Variants in SPAG16 observed in about 807,000 individuals in gnomAD.
SPAG16 encodes the protein sperm associated antigen 16, also known as sperm-associated antigen 16 protein.
In SPAG16, 86 loss-of-function variants were observed where a neutral mutation model predicts 80.4. The ratio of observed to expected loss-of-function variants is 1.07; its 90% CI spans 0.90 to 1.28. The LOEUF (loss-of-function observed/expected upper bound fraction) is 1.28, where lower values mean the gene tolerates loss of function less well. SPAG16 is among the 50% of genes most tolerant of loss of function. The pLI, the probability that SPAG16 is intolerant of heterozygous loss-of-function variation, is 0.00. For missense variants in SPAG16, 870 were observed against 765.3 expected, an observed-to-expected ratio of 1.14 and a Z score of -1.61; for synonymous variants, 294 against 265.9, an observed-to-expected ratio of 1.11 and a Z score of -1.03.
At chr2:213,398,756 G>A (rs544025094) in intron 9 of SPAG16, among the ~76,000 whole-genome samples, 29 of 152,126 alleles carry the variant, frequency 1.9e-4, no homozygotes, top group African/African-American at 6.7e-4. Context: ...CATATGCTAT[G>A]TTGTACTTAT....
rs372403102 is a variant in SPAG16, at chr2:213,310,046, G to A, written c.280-13G>A. ...ATGTTTTCAGAATAAATAAATGCAC[G>A]TTTAAATTTCAGGAACGGAAAACAG... On this transcript the variant is annotated splice_polypyrimidine_tract_variant and intron_variant, in intron 3 of 15. Transcript: ENST00000331683. 4.9e-5 allele frequency: 75 copies of A among 1,531,368 alleles called. No individual in the cohort carries two copies. The highest frequency in any genetic ancestry group is 3.0e-4 in the African/African-American group (22 of 72,828). 94.9% of individuals were successfully genotyped at this position (1,531,368 alleles called of 1,614,324 possible). A position where few individuals can be genotyped will look rare whatever the true frequency, so the allele number is the denominator to read the frequency against.
At chr2:213,995,757 T>C (rs1307794310) in intron 12 of SPAG16, among the ~76,000 whole-genome samples, 26 of 152,202 alleles carry the variant, frequency 1.7e-4, no homozygotes, top group Admixed American at 1.6e-3. Flanking sequence ...CCTTACTTTG[T>C]TGTTATACAT....
intron 10 of SPAG16, among the ~76,000 whole-genome samples, chr2:213,731,849 T>A (rs1458049623): frequency 1.1e-4 from 16 of 152,360 alleles, no homozygotes; most frequent in Admixed American, 1.0e-3. Context: ...ATTTTCTTTA[T>A]CCACTCTTGA....
chr2:213,815,459 T>C (rs1372825247), intron 10 of SPAG16, among the ~76,000 whole-genome samples: 1 of 152,204 alleles, frequency 6.6e-6, no homozygotes, highest in African/African-American at 2.4e-5. Context: ...GTATGAATTT[T>C]GTTCAGGTAA....
chr2:213,574,247 A>G (rs1169207252), intron 10 of SPAG16, among the ~76,000 whole-genome samples: 1 of 152,122 alleles, frequency 6.6e-6, no homozygotes, highest in East Asian at 1.9e-4. Context: ...GACTATATAC[A>G]ATCAAATTTT....
At chr2:213,717,893 C>A (rs929301720) in intron 10 of SPAG16, among the ~76,000 whole-genome samples, 1 of 152,030 alleles carries the variant, frequency 6.6e-6, no homozygotes, top group Admixed American at 6.5e-5. Context: ...ACCATAAAAA[C>A]CCTAGAAGAA....
chr2:213,317,364 A>AT lies in SPAG16; in HGVS notation c.536+14dup. 1 of 1,599,608 alleles carries AT rather than the reference A, an allele frequency of 6.3e-7. No individual in the cohort carries two copies. Among genetic ancestry groups the AT allele is most frequent in the African/African-American group, 1.4e-5 (1 of 74,058 alleles). ...CTACAAACAAGCAGCTGAGTATGTT[A>AT]TTTTTTAAATGACATTTTCTTCTTT... On this transcript the variant is annotated intron_variant, in intron 5 of 15. Coordinates refer to ENST00000331683, the MANE Select transcript of SPAG16 (RefSeq NM_024532.5).
chr2:213,702,555 C>A (rs1293828815), intron 10 of SPAG16, among the ~76,000 whole-genome samples: 1 of 152,076 alleles, frequency 6.6e-6, no homozygotes, highest in East Asian at 1.9e-4. Context: ...TTGAAGTTGG[C>A]GAGACCAAGA....
At chr2:213,367,607 ATCC>A (rs201231304) in intron 8 of SPAG16, among the ~76,000 whole-genome samples, 3,672 of 152,116 alleles carry the variant, frequency 0.024, 11 homozygotes, top group Non-Finnish European at 0.033. Flanking sequence ...GTCTGTTCAT[ATCC>A]TTCACCCACT....
chr2:213,460,918 T>C (rs955320201), intron 9 of SPAG16, among the ~76,000 whole-genome samples: 3 of 152,004 alleles, frequency 2.0e-5, no homozygotes, highest in African/African-American at 7.3e-5. Context: ...CATTCCTAAG[T>C]AAGTTCCTGT....
chr2:213,949,201 A>ATTCT (rs2079622436), intron 12 of SPAG16, among the ~76,000 whole-genome samples: 1 of 2,788 alleles, frequency 3.6e-4, no homozygotes, highest in Non-Finnish European at 4.7e-3. Flanking sequence ...TTTGAGGTAG[A>ATTCT]GTCTCTGTCA....
At chr2:214,000,956 C>T (rs1227682715) in intron 12 of SPAG16, among the ~76,000 whole-genome samples, 2 of 152,146 alleles carry the variant, frequency 1.3e-5, no homozygotes, top group South Asian at 2.1e-4. Context: ...AGCCAAACTA[C>T]TAGAGCTAGA....
intron 15 of SPAG16, among the ~76,000 whole-genome samples, chr2:214,157,570 T>C (rs777317336): frequency 6.6e-6 from 1 of 152,072 alleles, no homozygotes; most frequent in Non-Finnish European, 1.5e-5. Context: ...TTAGGGATAA[T>C]AGTCATAGTT....
intron 10 of SPAG16, among the ~76,000 whole-genome samples, chr2:213,721,223 C>T (rs1284235476): frequency 2.0e-5 from 3 of 152,048 alleles, no homozygotes; most frequent in Non-Finnish European, 4.4e-5. Flanking sequence ...CTCAGCCTCC[C>T]GAGTAGCTGG....
intron 12 of SPAG16, among the ~76,000 whole-genome samples, chr2:213,990,434 A>C (rs569259385): frequency 6.6e-6 from 1 of 152,126 alleles, no homozygotes; most frequent in Admixed American, 6.6e-5. Flanking sequence ...AACCTTAGCT[A>C]CTAAATGCCT....
intron 9 of SPAG16, among the ~76,000 whole-genome samples, chr2:213,485,649 T>A (rs1328178431): frequency 2.0e-5 from 3 of 152,162 alleles, no homozygotes; most frequent in African/African-American, 7.2e-5. Flanking sequence ...ACCTAGTAAT[T>A]AACATAGTGC....
chr2:213,284,535 G>T lies in SPAG16; in HGVS notation c.52G>T (p.Ala18Ser). 1 of 1,600,588 alleles carries T rather than the reference G, an allele frequency of 6.2e-7. No homozygotes were observed. The highest frequency in any genetic ancestry group is 8.5e-7 in the Non-Finnish European group (1 of 1,173,948). ...PSSAVRVLEE[A>S]LGMGLTAAGD... is the part of the protein sequence containing the mutation. ...CTCCGCCGTGAGGGTCCTGGAAGAG[G>T]CGTTGGGCATGGGTTTGACGGCAGC... Residue 18 changes from alanine (A) to serine (S), a missense_variant, in exon 1 of 16, where the codon GCG becomes TCG. Coordinates refer to ENST00000331683, the MANE Select transcript of SPAG16 (RefSeq NM_024532.5).
At chr2:213,566,498 A>G (rs1304987731) in intron 10 of SPAG16, among the ~76,000 whole-genome samples, 1 of 152,194 alleles carries the variant, frequency 6.6e-6, no homozygotes, top group African/African-American at 2.4e-5. Flanking sequence ...AATTACTTTA[A>G]AAATCCAGCC....
intron 11 of SPAG16, among the ~76,000 whole-genome samples, chr2:213,913,494 GTGTC>G (rs770888216): frequency 5.3e-5 from 8 of 151,098 alleles, no homozygotes; most frequent in South Asian, 2.1e-4. Flanking sequence ...GTGTGTCTGT[GTGTC>G]TGTGTGTGTG....
Sources: allele counts gnomAD v4.1 joint callset (sites outside exome capture counted in the v4.1 genomes callset), GRCh38; gene constraint gnomAD v4.1.1; transcripts MANE v1.5; gene names NCBI Gene and HGNC (gene_info 2026-07-23, HGNC 2026-07-21).